PCDHGA9: variants seen among roughly 807,000 people sequenced by gnomAD.
PCDHGA9 encodes the protein protocadherin gamma subfamily A, 9.
In PCDHGA9, 37 loss-of-function variants were observed where a neutral mutation model predicts 62.5. The observed-to-expected ratio is 0.59, with a 90% CI of 0.46 to 0.78. The LOEUF is 0.78. Among genes scored for constraint, PCDHGA9 ranks in the 30% least tolerant of loss-of-function variants. The pLI, the probability that PCDHGA9 is intolerant of heterozygous loss-of-function variation, is 0.00. For synonymous variants in PCDHGA9, 459 were observed against 484.6 expected (o/e 0.95, Z 0.69); for missense variants, 1,138 against 1,166.2 (o/e 0.98, Z 0.35).
intron 1 of PCDHGA9, among the ~76,000 whole-genome samples, chr5:141,446,411 G>A (rs778985047): frequency 1.3e-5 from 2 of 152,086 alleles, no homozygotes; most frequent in Non-Finnish European, 2.9e-5. Flanking sequence ...TTGAGTTCCA[G>A]CCATGTTCAT....
chr5:141,421,829 T>C, intron 1 of PCDHGA9: 1 of 1,613,784 alleles, frequency 6.2e-7, no homozygotes, highest in Non-Finnish European at 8.5e-7. Flanking sequence ...GAGGGAAGCC[T>C]GGACCGAGAG....
intron 1 of PCDHGA9, chr5:141,430,495 T>C: frequency 3.4e-6 from 1 of 293,400 alleles, no homozygotes; most frequent in Non-Finnish European, 6.2e-6. Context: ...GAAATATCCT[T>C]TCTGGGAGTT....
intron 1 of PCDHGA9, among the ~76,000 whole-genome samples, chr5:141,455,489 A>T (rs925133619): frequency 3.9e-5 from 6 of 152,152 alleles, no homozygotes; most frequent in African/African-American, 4.8e-5. Context: ...GGTGGAGGTG[A>T]TGTCTGATTT....
In PCDHGA9 at chr5:141,489,950, A is replaced by G; in HGVS notation, c.2425-4857A>G. 2 of 1,614,192 alleles carry G rather than the reference A, an allele frequency of 1.2e-6. No individual in the cohort carries two copies. The highest frequency in any genetic ancestry group is 1.1e-5 in the South Asian group (1 of 91,088). ...TCTGTCATCGTGCTGGACATCAATG[A>G]TAATGCTCCAACCTTCCAATCCTCA... On this transcript the variant is annotated intron_variant, in intron 1 of 3. Transcript: ENST00000573521. The surrounding 1 kb of genome is among the most constrained non-coding windows in gnomAD (Gnocchi z 4.5).
chr5:141,422,996 C>T (rs1473025630), intron 1 of PCDHGA9: 1 of 1,614,224 alleles, frequency 6.2e-7, no homozygotes, highest in South Asian at 1.1e-5. Context: ...TACCTGGTGA[C>T]CAAGGTGGTT....
In PCDHGA9 at chr5:141,457,578, C is replaced by T. The variant is rs538068150; in HGVS notation, c.2425-37229C>T. Among the ~76,000 whole-genome samples, 38 of 152,304 alleles carry T rather than the reference C, an allele frequency of 2.5e-4. No individual in the cohort carries two copies. The South Asian group carries it at 7.7e-3, about 31-fold the overall frequency. ...AGCTTTGGAGCAAAATTTTTCTCTC[C>T]AGTCCTCATTTTTGGTAAAAACTAA... On this transcript the variant is annotated intron_variant, in intron 1 of 3. Coordinates refer to ENST00000573521, the MANE Select transcript of PCDHGA9 (RefSeq NM_018921.3).
At position 141,404,402 on chromosome 5, in the gene PCDHGA9, A is replaced by T; in HGVS notation, c.1450A>T (p.Asn484Tyr). 6.2e-7 allele frequency: 1 copy of T among 1,613,850 alleles called. No homozygotes were observed. Among genetic ancestry groups the T allele is most frequent in the Non-Finnish European group, 8.5e-7 (1 of 1,179,850 alleles). ...VIAYDPDSNE[N>Y]SRVIYSLAED... ...TGCCTATGACCCTGATAGCAATGAG[A>T]ATTCTAGAGTTATTTACTCCTTGGC... The change falls in exon 1 of 4, where the codon AAT becomes TAT. Residue 484 changes from asparagine to tyrosine, a missense_variant. Transcript: ENST00000573521.
chr5:141,478,590 A>T, intron 1 of PCDHGA9: 1 of 1,573,342 alleles, frequency 6.4e-7, no homozygotes, highest in South Asian at 1.1e-5. Flanking sequence ...GTGCTTTTTT[A>T]TTCCTACATC....
intron 1 of PCDHGA9, among the ~76,000 whole-genome samples, chr5:141,492,798 C>T (rs1219815576): frequency 6.6e-6 from 1 of 152,250 alleles, no homozygotes; most frequent in Non-Finnish European, 1.5e-5. Flanking sequence ...GACAGCAGGA[C>T]TGGGACTCCA....
At chr5:141,510,139 G>T (rs931012964) in intron 3 of PCDHGA9, among the ~76,000 whole-genome samples, 1 of 152,136 alleles carries the variant, frequency 6.6e-6, no homozygotes, top group Non-Finnish European at 1.5e-5. Context: ...CTGGGCTAGT[G>T]GTGTGCACCT....
intron 2 of PCDHGA9, among the ~76,000 whole-genome samples, chr5:141,495,690 G>A (rs1261694815): frequency 1.3e-5 from 2 of 152,172 alleles, no homozygotes; most frequent in East Asian, 3.9e-4. Context: ...TGGCATAAGT[G>A]CTCAATAAAT....
intron 1 of PCDHGA9, among the ~76,000 whole-genome samples, chr5:141,463,124 T>C (rs2099053100): frequency 6.6e-6 from 1 of 152,174 alleles, no homozygotes; most frequent in African/African-American, 2.4e-5. Context: ...AATAGCTCCC[T>C]GGCAGTTCTT....
At position 141,414,317 on chromosome 5, in the gene PCDHGA9, AG is replaced by A. The variant is rs757847465; in HGVS notation, c.2424+8942del. On this transcript the variant is annotated intron_variant, in intron 1 of 3. Transcript: ENST00000573521. The stretch of plus-strand genomic sequence containing the variant: ...TTAAATGTGCATGATTTAGACTCTG[AG>A]CAGAATGGACAGGTAACCTGTTCCA... The A allele has an allele frequency of 1.9e-6, 3 of 1,613,828 alleles. No individual in the cohort carries two copies. In the South Asian group the frequency reaches 3.3e-5, roughly 18 times the overall value.
chr5:141,446,797 A>G lies in PCDHGA9; in HGVS notation c.2424+41421A>G, dbSNP rs559881142. ...CCATTCTTTTACTCTGAGTTCTTCC[A>G]TTGTGATCATCTAGTCAGATGGGTA... is the stretch of plus-strand genomic sequence containing the variant. On this transcript the variant is annotated intron_variant, in intron 1 of 3. Coordinates refer to ENST00000573521, the MANE Select transcript of PCDHGA9 (RefSeq NM_018921.3). Among the ~76,000 whole-genome samples, 48 of 152,224 alleles carry G rather than the reference A, an allele frequency of 3.2e-4. No individual in the cohort carries two copies. In the South Asian group the frequency reaches 7.3e-3, roughly 23 times the overall value.
intron 3 of PCDHGA9, among the ~76,000 whole-genome samples, chr5:141,510,329 A>T (rs1433056614): frequency 2.7e-5 from 4 of 150,230 alleles, no homozygotes; most frequent in Admixed American, 2.7e-4. Flanking sequence ...AGCACTCTTC[A>T]CCCCCACCCC....
At chr5:141,506,444 CAAA>C (rs1219684339) in intron 3 of PCDHGA9, among the ~76,000 whole-genome samples, 12 of 95,004 alleles carry the variant, frequency 1.3e-4, no homozygotes, top group Admixed American at 3.3e-4. Context: ...CGCTCTGTCT[CAAA>C]AAAAAAAAAA....
intron 2 of PCDHGA9, among the ~76,000 whole-genome samples, chr5:141,504,178 A>C (rs572543892): frequency 4.5e-4 from 69 of 152,366 alleles, no homozygotes; most frequent in Non-Finnish European, 7.6e-4. Context: ...AAATTCAAAA[A>C]AATCATGAAA....
chr5:141,491,479 C>T lies in PCDHGA9; in HGVS notation c.2425-3328C>T. On this transcript the variant is annotated intron_variant, in intron 1 of 3. Transcript: ENST00000573521. The surrounding 1 kb of genome is among the most constrained non-coding windows in gnomAD (Gnocchi z 6.9). ...CCCGGACTTCTATAAGCAGTCCAGCCCCAACCTGCAGGTGAGCTCGGACGG... is the reference window on the plus strand; with the variant it reads ...CCCGGACTTCTATAAGCAGTCCAGCTCCAACCTGCAGGTGAGCTCGGACGG... 1 of 1,614,144 alleles carries T rather than the reference C, an allele frequency of 6.2e-7. No homozygotes were observed. Among genetic ancestry groups the T allele is most frequent in the Non-Finnish European group, 8.5e-7 (1 of 1,180,024 alleles).
At chr5:141,433,358 C>CCTAG (rs1554125965) in intron 1 of PCDHGA9, 2 of 498,106 alleles carry the variant, frequency 4.0e-6, no homozygotes, top group African/African-American at 4.2e-5. Flanking sequence ...CTACTGTCTG[C>CCTAG]CTATCTATCT....
Sources: allele counts gnomAD v4.1 joint callset (sites outside exome capture counted in the v4.1 genomes callset), GRCh38; gene constraint gnomAD v4.1.1; non-coding constraint Gnocchi (gnomAD v3.1); transcripts MANE v1.5; gene names NCBI Gene and HGNC (gene_info 2026-07-23, HGNC 2026-07-21).